Variants in LOC122539214 observed in about 807,000 individuals in gnomAD.
the LOC122539214 span, chr19:52,652,218 C>T: frequency 4.6e-6 from 1 of 218,150 alleles, no homozygotes. Flanking sequence ...GCAGGCGGAT[C>T]ACAAGATCAA....
the LOC122539214 span, among the ~76,000 whole-genome samples, chr19:52,682,611 T>C: frequency 6.6e-6 from 1 of 152,032 alleles, no homozygotes; most frequent in Non-Finnish European, 1.5e-5. Context: ...GAGGTTGCAC[T>C]GAGCTGAGAT....
At chr19:52,672,172 T>G in the LOC122539214 span, among the ~76,000 whole-genome samples, 3 of 152,100 alleles carry the variant, frequency 2.0e-5, no homozygotes, top group African/African-American at 7.2e-5. Flanking sequence ...AGGCAGAGGT[T>G]GCAGTGAGCA....
the LOC122539214 span, among the ~76,000 whole-genome samples, chr19:52,689,087 C>T: frequency 6.6e-6 from 1 of 152,100 alleles, no homozygotes; most frequent in Admixed American, 6.6e-5. Flanking sequence ...TACAAGGCCA[C>T]CGGCAACCCA....
chr19:52,653,727 A>G, the LOC122539214 span, among the ~76,000 whole-genome samples: 1 of 152,220 alleles, frequency 6.6e-6, no homozygotes, highest in African/African-American at 2.4e-5. Context: ...AACACTCATT[A>G]CACTTGTAAG....
At chr19:52,675,275 GGTAA>G in the LOC122539214 span, among the ~76,000 whole-genome samples, 1 of 152,284 alleles carries the variant, frequency 6.6e-6, no homozygotes, top group East Asian at 1.9e-4. Flanking sequence ...TTGCATGTAC[GGTAA>G]GTGAGGGACA....
chr19:52,666,406 G>T, the LOC122539214 span, among the ~76,000 whole-genome samples: 5 of 152,008 alleles, frequency 3.3e-5, no homozygotes, highest in Non-Finnish European at 5.9e-5. Context: ...CCACCCTGTT[G>T]TCAGTGTAAA....
the LOC122539214 span, among the ~76,000 whole-genome samples, chr19:52,681,280 C>CAA: frequency 0.27 from 20,331 of 74,924 alleles, 3,089 homozygotes; most frequent in East Asian, 0.34. Flanking sequence ...GAGACTTTCT[C>CAA]AAAAAAAAAA....
At chr19:52,674,587 A>G in the LOC122539214 span, among the ~76,000 whole-genome samples, 3 of 152,242 alleles carry the variant, frequency 2.0e-5, no homozygotes, top group African/African-American at 7.2e-5. Context: ...GCAGAGTACA[A>G]TATTAGCACC....
chr19:52,689,934 A>C, the LOC122539214 span, among the ~76,000 whole-genome samples: 1 of 152,178 alleles, frequency 6.6e-6, no homozygotes, highest in Non-Finnish European at 1.5e-5. Flanking sequence ...ACTGCGGAGG[A>C]GAGACCTGGG....
chr19:52,665,309 AG>A, the LOC122539214 span, among the ~76,000 whole-genome samples: 1 of 152,052 alleles, frequency 6.6e-6, no homozygotes. Context: ...CCAGCTACTC[AG>A]GAAGCAGGGG....
the LOC122539214 span, among the ~76,000 whole-genome samples, chr19:52,667,651 C>T: frequency 2.0e-5 from 3 of 152,116 alleles, no homozygotes; most frequent in Non-Finnish European, 2.9e-5. Flanking sequence ...TGTAAACATA[C>T]TGGCAAAAGT....
At chr19:52,668,104 TAAAAC>T in the LOC122539214 span, among the ~76,000 whole-genome samples, 2 of 152,184 alleles carry the variant, frequency 1.3e-5, no homozygotes, top group African/African-American at 2.4e-5. Flanking sequence ...TCTCTTCCTT[TAAAAC>T]AAGAGTCTCT....
the LOC122539214 span, among the ~76,000 whole-genome samples, chr19:52,688,490 T>A: frequency 6.6e-6 from 1 of 151,920 alleles, no homozygotes; most frequent in Non-Finnish European, 1.5e-5. Flanking sequence ...TCTTCATTAC[T>A]TTGCTTCCTT....
chr19:52,687,597 ATGTATATATATATAATG>A, the LOC122539214 span, among the ~76,000 whole-genome samples: 1 of 14,974 alleles, frequency 6.7e-5, no homozygotes, highest in South Asian at 1.4e-3. Context: ...TATATATATA[ATGTATATATATATAATG>A]TGTATATATA....
At chr19:52,677,306 T>TAAAA in the LOC122539214 span, among the ~76,000 whole-genome samples, 1 of 106,464 alleles carries the variant, frequency 9.4e-6, no homozygotes, top group East Asian at 5.1e-4. Flanking sequence ...AATTGAGAAG[T>TAAAA]AAAAAAAAAA....
the LOC122539214 span, among the ~76,000 whole-genome samples, chr19:52,689,707 T>C: frequency 0.035 from 5,213 of 151,030 alleles, 293 homozygotes; most frequent in African/African-American, 0.12. Context: ...CTCTTATGGC[T>C]CTTTCTCATT....
the LOC122539214 span, chr19:52,653,321 T>G: frequency 7.6e-7 from 1 of 1,317,070 alleles, no homozygotes. Flanking sequence ...GTGTAAGGTT[T>G]CTCTCCAGTA....
the LOC122539214 span, among the ~76,000 whole-genome samples, chr19:52,674,015 CAAAAAAA>C: frequency 5.5e-5 from 4 of 73,062 alleles, no homozygotes; most frequent in African/African-American, 2.1e-4. Flanking sequence ...GACTCCATCT[CAAAAAAA>C]AAAAAAAAAA....
chr19:52,654,101 G>C, the LOC122539214 span: 72 of 1,604,550 alleles, frequency 4.5e-5, no homozygotes, highest in Middle Eastern at 1.7e-4. Flanking sequence ...TGCAGTTCAG[G>C]CAGATGTGAA....
Sources: gnomAD v4.1 joint callset for allele counts (sites outside exome capture counted in the v4.1 genomes callset) on GRCh38, gnomAD v4.1.1 for gene constraint, MANE v1.5 for transcripts.